Variants in UXS1 observed in about 807,000 individuals in gnomAD.
UXS1 encodes UDP-glucuronate decarboxylase 1.
UXS1 carries 33 observed loss-of-function variants against 62.6 expected under a neutral mutation model. That is an observed-to-expected ratio of 0.53 (90% CI 0.40 to 0.70). UXS1 has a LOEUF of 0.70. Among genes scored for constraint, UXS1 ranks in the 30% least tolerant of loss-of-function variants. The probability of loss-of-function intolerance (pLI) is 0.00; values close to 1 mark genes in which losing one functional copy is unlikely to be tolerated. For missense variants in UXS1, 434 were observed against 556.3 expected, an observed-to-expected ratio of 0.78 and a Z score of 2.21; for synonymous variants, 213 against 206.8, an observed-to-expected ratio of 1.03 and a Z score of -0.26.
intron 5 of UXS1, among the ~76,000 whole-genome samples, chr2:106,152,916 G>T (rs1399661677): frequency 6.6e-6 from 1 of 152,122 alleles, no homozygotes; most frequent in African/African-American, 2.4e-5. Flanking sequence ...TAAAACAGAG[G>T]TGTTGCTCCC....
At chr2:106,141,608 C>T (rs11124084) in intron 6 of UXS1, among the ~76,000 whole-genome samples, 37,686 of 151,818 alleles carry the variant, frequency 0.25, 5,088 homozygotes, top group Non-Finnish European at 0.31. Context: ...CAGGTGCATG[C>T]CACCATGCCT....
chr2:106,104,021 A>G (rs909619683), intron 11 of UXS1, among the ~76,000 whole-genome samples: 2 of 152,222 alleles, frequency 1.3e-5, no homozygotes, highest in African/African-American at 4.8e-5. Context: ...GCCCTAAGAC[A>G]GCAGGAATAA....
chr2:106,179,497 T>C (rs1475222678), intron 1 of UXS1: 1 of 152,230 alleles, frequency 6.6e-6, no homozygotes, highest in Non-Finnish European at 1.5e-5. Context: ...ATTCATTCTC[T>C]ACTTTACTCT....
rs745434443 is a variant in UXS1 at position 106,112,717 on chromosome 2, G to A, written c.808C>T (p.Arg270Cys). The A allele has an allele frequency of 5.6e-6, 9 of 1,613,888 alleles. No individual in the cohort carries two copies. In the African/African-American group the frequency reaches 6.7e-5, roughly 12 times the overall value. The change falls in exon 10 of 15, where the codon CGC becomes TGC. Residue 270 changes from arginine (R) to cysteine (C), a missense_variant. Arg to Cys is a radical substitution (Grantham distance 180, BLOSUM62 -3). This residue lies in a region of UXS1 where 209 missense variants were observed against 233.3 expected (regional missense o/e 0.90). Transcript: ENST00000283148. ...VARIFNTFGPRMHMNDGRVVS... is the reference protein window; with the variant it reads ...VARIFNTFGPCMHMNDGRVVS... ...ACTCGCCCATCGTTCATGTGCATGC[G>A]TGGCCCAAAGGTGTTGAAGATTCTG...
intron 9 of UXS1, among the ~76,000 whole-genome samples, chr2:106,117,181 G>A (rs573083300): frequency 6.6e-6 from 1 of 152,226 alleles, no homozygotes; most frequent in Non-Finnish European, 1.5e-5. Flanking sequence ...CCCTGTGAGA[G>A]GTTGGCATAC....
At chr2:106,107,367 T>G (rs989571899) in intron 10 of UXS1, among the ~76,000 whole-genome samples, 4 of 152,126 alleles carry the variant, frequency 2.6e-5, no homozygotes, top group Non-Finnish European at 4.4e-5. Flanking sequence ...CCAGGCTCAC[T>G]CATCAGAGCA....
rs530608390 is a variant in UXS1, at chr2:106,095,892, A to C, written c.1146+826T>G. 3.2e-3 allele frequency among the ~76,000 whole-genome samples: 484 copies of C among 152,326 alleles called. 2 individuals are homozygous for C. The highest frequency in any genetic ancestry group is 5.2e-3 in the Non-Finnish European group (355 of 68,022). On this transcript the variant is annotated intron_variant, in intron 14 of 14. Coordinates refer to ENST00000283148, the MANE Select transcript of UXS1 (RefSeq NM_001253875.2). ...CAGTCACCCAAGGCAGGAAGGGCAC[A>C]GCAGGCGGCAGAGCAGAAGCAGGCG...
At chr2:106,146,392 T>C (rs565899274) in intron 5 of UXS1, among the ~76,000 whole-genome samples, 2 of 152,358 alleles carry the variant, frequency 1.3e-5, no homozygotes, top group Non-Finnish European at 1.5e-5. Flanking sequence ...CCTAGGTCTA[T>C]GGTTTTAAAA....
At chr2:106,152,098 A>G (rs144880881) in intron 5 of UXS1, among the ~76,000 whole-genome samples, 314 of 152,388 alleles carry the variant, frequency 2.1e-3, no homozygotes, top group Middle Eastern at 0.01. Flanking sequence ...GGAAACAACC[A>G]TAAGTGGTCC....
rs948944279 is a variant in UXS1 at position 106,093,474 on chromosome 2, A to C, written c.*552T>G. 6.6e-6 allele frequency: 1 copy of C among 152,346 alleles called. No individual in the cohort carries two copies. The highest frequency in any genetic ancestry group is 2.4e-5 in the African/African-American group (1 of 41,322). The allele number at this position is 152,346 out of a possible 1,614,324, so 9.4% of individuals were successfully genotyped here. On this transcript the variant is annotated 3_prime_UTR_variant, in exon 15 of 15. Transcript: ENST00000283148. ...GACCAACAGGAATATTTCAAAGTCA[A>C]GTTTGCAACTCAAAAGTAGACCTTG...
chr2:106,094,072 T>C lies in UXS1; in HGVS notation c.1232A>G (p.Lys411Arg). ...EYQANNQYIP[K>R]PKPARIKKGR... Reference sequence around the variant, plus strand: ...TTTCTTTATTCTGGCAGGCTTTGGTTTGGGGATGTACTGATTATTTGCCTG... The same window carrying C: ...TTTCTTTATTCTGGCAGGCTTTGGTCTGGGGATGTACTGATTATTTGCCTG... Residue 411 changes from lysine to arginine, a missense_variant, in exon 15 of 15, where the codon AAA becomes AGA. By Grantham distance (26) the Lys-to-Arg change is conservative (BLOSUM62 2). Coordinates refer to ENST00000283148, the MANE Select transcript of UXS1 (RefSeq NM_001253875.2). The C allele has an allele frequency of 6.2e-7, 1 of 1,612,812 alleles. No homozygotes were observed. Among genetic ancestry groups the C allele is most frequent in the East Asian group, 2.2e-5 (1 of 44,782 alleles).
chr2:106,194,155 G>T lies in UXS1; in HGVS notation c.87C>A (p.Tyr29Ter). 2 of 1,482,398 alleles carry T rather than the reference G, an allele frequency of 1.3e-6. No individual in the cohort carries two copies. The allele number at this position is 1,482,398 out of a possible 1,614,324, so 91.8% of individuals were successfully genotyped here. Residue 29 changes from tyrosine (Y) to a stop codon, truncating the protein, a stop_gained, in exon 1 of 15, where the codon TAC becomes TAA. Transcript: ENST00000283148. LOFTEE classifies it high-confidence loss of function. ...CAGCGGGCGCGCACTCACAGGCGAC[G>T]TAGGCCAGCAAGGCGATGCCCAGCA... ...KLLLGIALLA[Y>*]VASVWGNFVN...
intron 5 of UXS1, among the ~76,000 whole-genome samples, chr2:106,153,075 A>T (rs1489972601): frequency 6.6e-6 from 1 of 152,238 alleles, no homozygotes; most frequent in African/African-American, 2.4e-5. Context: ...AGGGAGATGC[A>T]GATGGTAAGC....
intron 1 of UXS1, among the ~76,000 whole-genome samples, chr2:106,170,339 C>A (rs1683475016): frequency 6.6e-6 from 1 of 152,174 alleles, no homozygotes; most frequent in Non-Finnish European, 1.5e-5. Context: ...TGGTGGCCCT[C>A]CTGTGTGGCC....
At chr2:106,160,580 T>C (rs943481012) in intron 4 of UXS1, 1 of 152,196 alleles carries the variant, frequency 6.6e-6, no homozygotes, top group African/African-American at 2.4e-5. Flanking sequence ...GGAGTGTGCA[T>C]CCGGGGCCAT....
chr2:106,188,239 A>T (rs1278958113), intron 1 of UXS1, among the ~76,000 whole-genome samples: 7 of 152,036 alleles, frequency 4.6e-5, no homozygotes, highest in Admixed American at 3.9e-4. Flanking sequence ...ATCCACGTGG[A>T]CAGGGAGAAG....
chr2:106,174,626 G>A (rs1683762275), intron 1 of UXS1, among the ~76,000 whole-genome samples: 1 of 152,196 alleles, frequency 6.6e-6, no homozygotes, highest in African/African-American at 2.4e-5. Context: ...GCCTGTGTGG[G>A]GCGCACGTAG....
intron 10 of UXS1, among the ~76,000 whole-genome samples, chr2:106,109,176 TC>T (rs572303136): frequency 8.6e-5 from 13 of 151,260 alleles, no homozygotes; most frequent in African/African-American, 2.7e-4. Context: ...TCCCAGTCTT[TC>T]CCCCCCGAAA....
chr2:106,173,750 T>C (rs1488833352), intron 1 of UXS1, among the ~76,000 whole-genome samples: 1 of 152,228 alleles, frequency 6.6e-6, no homozygotes, highest in Non-Finnish European at 1.5e-5. Context: ...TTTTATACAA[T>C]TTTCAGGTGC....
Sources: gnomAD v4.1 joint callset for allele counts (sites outside exome capture counted in the v4.1 genomes callset) on GRCh38, gnomAD v4.1.1 for gene constraint, gnomAD v4.1.1 regional missense constraint, MANE v1.5 for transcripts, NCBI Gene and HGNC (gene_info 2026-07-23, HGNC 2026-07-21) for gene names.